Variants in PEX5 observed in about 807,000 individuals in gnomAD.
PEX5 encodes peroxisomal biogenesis factor 5, also known as PTS1 receptor.
A neutral mutation model predicts 82.9 loss-of-function variants in PEX5; 52 were observed. That is an observed-to-expected ratio of 0.63 (90% CI 0.50 to 0.79). The LOEUF (loss-of-function observed/expected upper bound fraction) is 0.79, where lower values mean the gene tolerates loss of function less well. Ranked by LOEUF, PEX5 falls within the 30% of genes least tolerant of loss-of-function variation. PEX5 has a pLI of 0.00. For synonymous variants in PEX5, 300 were observed against 318.8 expected (o/e 0.94, Z 0.63); for missense variants, 719 against 815.2 (o/e 0.88, Z 1.44).
chr12:7,207,762 T>C lies in PEX5; in HGVS notation c.1070T>C (p.Leu357Pro). The change falls in exon 11 of 16, where the codon CTT becomes CCT. Residue 357 changes from leucine to proline, a missense_variant. Leu to Pro is a moderately conservative substitution (Grantham distance 98). Coordinates refer to ENST00000675855, the MANE Select transcript of PEX5 (RefSeq NM_001351132.2). ...GGGGACCTGCCAAATGCTGTGCTGC[T>C]TTTTGAGGCAGCTGTGCAGCAGGAT... ...QEGDLPNAVL[L>P]FEAAVQQDPK... The C allele has an allele frequency of 6.2e-7, 1 of 1,614,054 alleles. No individual in the cohort carries two copies. Among genetic ancestry groups the C allele is most frequent in the East Asian group, 2.2e-5 (1 of 44,874 alleles).
chr12:7,202,379 C>T, intron 8 of PEX5, 28 bp downstream of exon 8: 2 of 1,613,348 alleles, frequency 1.2e-6, no homozygotes, highest in Non-Finnish European at 1.7e-6. Flanking sequence ...TCCAGTCCCA[C>T]TTCAGAGCCA....
At chr12:7,190,168 A>T in intron 1 of PEX5, 194 bp from the exon 2 acceptor site, 1 of 1,498,366 alleles carries the variant, frequency 6.7e-7, no homozygotes, top group Non-Finnish European at 8.9e-7. Flanking sequence ...GTGGCCTTTG[A>T]GGGGGGCGGC....
Position 7,209,175 on chromosome 12 carries a change from G to GC in PEX5, c.1560+8dup. On this transcript the variant is annotated splice_donor_region_variant and intron_variant, in intron 14 of 15. Transcript: ENST00000675855. ...GCCCTCAGCGTTCGTCCCAATGTGA[G>GC]CCCAGGGGAGGAATGGAAATGGGAC... The GC allele has an allele frequency of 6.2e-7, 1 of 1,613,448 alleles. No individual in the cohort carries two copies. Among genetic ancestry groups the GC allele is most frequent in the Non-Finnish European group, 8.5e-7 (1 of 1,179,746 alleles).
intron 13 of PEX5, 92 bp from the exon 14 acceptor site, chr12:7,208,911 TGG>T: frequency 8.8e-7 from 1 of 1,139,964 alleles, no homozygotes; most frequent in South Asian, 1.2e-5. Context: ...TGATGAATGT[TGG>T]GGATATGGTT....
chr12:7,213,070 TAA>T (rs1565731366), downstream of PEX5, among the ~76,000 whole-genome samples: 1 of 151,752 alleles, frequency 6.6e-6, no homozygotes, highest in Non-Finnish European at 1.5e-5. Flanking sequence ...CTCAAGGAAA[TAA>T]AAGAGGATAC....
At chr12:7,209,536 T>A in intron 14 of PEX5, 147 bp from the exon 15 acceptor site, 1 of 177,900 alleles carries the variant, frequency 5.6e-6, no homozygotes, top group Non-Finnish European at 9.6e-6. Flanking sequence ...ACCGAACTGT[T>A]GAGAATGGAA....
Position 7,199,102 on chromosome 12 carries a change from C to A in PEX5, c.540C>A (p.Ala180=). The stretch of plus-strand genomic sequence containing the variant: ...GGCTGGGAGAACCTGAGGGAACAGC[C>A]ACCGATCGCTGGTGAGTTCAGATAC... The part of the protein sequence containing the change: ...KLWLGEPEGT[A]TDRWYDEYHP... The change falls in exon 6 of 16, where the codon GCC becomes GCA. Residue 180 remains alanine (A), a synonymous_variant. Transcript: ENST00000675855. 2 of 1,591,830 alleles carry A rather than the reference C, an allele frequency of 1.3e-6. No homozygotes were observed. Among genetic ancestry groups the A allele is most frequent in the Non-Finnish European group, 1.7e-6 (2 of 1,164,374 alleles).
chr12:7,189,862 G>T, intron 1 of PEX5, 112 bp downstream of exon 1: 1 of 1,316,656 alleles, frequency 7.6e-7, no homozygotes, highest in Non-Finnish European at 9.8e-7. Context: ...GGGCCGGGGA[G>T]ATGGGCGGTG....
At chr12:7,198,646 C>G (rs1451827021) in intron 5 of PEX5, among the ~76,000 whole-genome samples, 1 of 152,202 alleles carries the variant, frequency 6.6e-6, no homozygotes, top group Non-Finnish European at 1.5e-5. Flanking sequence ...TCACTCCTTA[C>G]TGGCTCCCTG....
chr12:7,210,083 G>T lies in PEX5; in HGVS notation c.1780G>T (p.Gly594Cys). 4 of 1,614,226 alleles carry T rather than the reference G, an allele frequency of 2.5e-6. No homozygotes were observed. The highest frequency in any genetic ancestry group is 2.5e-6 in the Non-Finnish European group (3 of 1,180,040). Residue 594 changes from glycine (G) to cysteine (C), a missense_variant, in exon 16 of 16, where the codon GGT (glycine) becomes TGT (cysteine). Coordinates refer to ENST00000675855, the MANE Select transcript of PEX5 (RefSeq NM_001351132.2). ...GCAGAGGAAAAGCCGGGGCCCCCGG[G>T]GTGAAGGAGGTGCCATGTCGGAGAA... ...NMQRKSRGPR[G>C]EGGAMSENIW... is the part of the protein sequence containing the mutation.
chr12:7,209,206 T>G, intron 14 of PEX5, 36 bp downstream of exon 14: 2 of 1,602,306 alleles, frequency 1.2e-6, no homozygotes, highest in Non-Finnish European at 1.7e-6. Flanking sequence ...GGGACATGAC[T>G]GTGTACCTTA....
At chr12:7,189,850 C>T in intron 1 of PEX5, 100 bp downstream of exon 1, 1 of 1,236,884 alleles carries the variant, frequency 8.1e-7, no homozygotes, top group Non-Finnish European at 1.0e-6. Flanking sequence ...GGAGCGGCAG[C>T]AGGGCCGGGG....
At chr12:7,188,852 G>A (rs1332871882), upstream of PEX5, 1 of 152,374 alleles carries the variant, frequency 6.6e-6, no homozygotes, top group African/African-American at 2.4e-5. Context: ...TTTGAGGTTT[G>A]ACAGCAGAGC....
downstream of PEX5, among the ~76,000 whole-genome samples, chr12:7,212,492 A>C (rs7977384): frequency 0.018 from 1,009 of 57,188 alleles, 15 homozygotes; most frequent in African/African-American, 0.051. Flanking sequence ...AAAAAAACCC[A>C]AAAAACAAAA....
At chr12:7,215,975 A>T (rs772159541), downstream of PEX5, among the ~76,000 whole-genome samples, 31 of 150,440 alleles carry the variant, frequency 2.1e-4, no homozygotes, top group South Asian at 1.0e-3. Flanking sequence ...TTAAAAAAAA[A>T]TTTTTTTTTG....
At chr12:7,197,992 T>C (rs1171529164) in intron 5 of PEX5, among the ~76,000 whole-genome samples, 3 of 87,764 alleles carry the variant, frequency 3.4e-5, no homozygotes, top group Non-Finnish European at 4.5e-5. Flanking sequence ...ACCGTAGGCT[T>C]GTGCCTTCTC....
intron 6 of PEX5, among the ~76,000 whole-genome samples, chr12:7,201,168 CAT>C (rs1434913535): frequency 1.0e-4 from 5 of 49,620 alleles, no homozygotes; most frequent in African/African-American, 1.4e-4. Flanking sequence ...TATATACACA[CAT>C]ACACATATGT....
Position 7,210,147 on chromosome 12 carries a change from G to A in PEX5, c.1844G>A (p.Gly615Asp), listed in dbSNP as rs758577763. The A allele has an allele frequency of 6.2e-7, 1 of 1,614,202 alleles. No homozygotes were observed. Among genetic ancestry groups the A allele is most frequent in the South Asian group, 1.1e-5 (1 of 91,080 alleles). ...STLRLALSML[G>D]QSDAYGAADA... ...CTGCGTTTGGCATTGTCTATGTTAG[G>A]CCAGAGCGATGCCTATGGGGCAGCC... is the stretch of plus-strand genomic sequence containing the variant. The change falls in exon 16 of 16, where the codon GGC becomes GAC. Residue 615 changes from glycine to aspartate, a missense_variant. Physicochemically the swap from Gly to Asp is moderately conservative, Grantham distance 94. Transcript: ENST00000675855.
At chr12:7,198,965 C>A in intron 5 of PEX5, 46 bp from the exon 6 acceptor site, 2 of 1,073,032 alleles carry the variant, frequency 1.9e-6, no homozygotes, top group Non-Finnish European at 2.8e-6. Context: ...CTTGATCCCA[C>A]ACTGAATGAA....
Sources: allele counts gnomAD v4.1 joint callset (sites outside exome capture counted in the v4.1 genomes callset), GRCh38; gene constraint gnomAD v4.1.1; transcripts MANE v1.5; gene names NCBI Gene and HGNC (gene_info 2026-07-23, HGNC 2026-07-21).